Variants in ZNF100 observed in about 807,000 individuals in gnomAD.
The protein encoded by ZNF100 is zinc finger protein 100 (Y1).
Under a neutral mutation model 15.8 loss-of-function variants are expected in ZNF100, and 12 were observed. The ratio of observed to expected loss-of-function variants is 0.76; its 90% CI spans 0.49 to 1.23. The LOEUF (loss-of-function observed/expected upper bound fraction) is 1.23, where lower values mean the gene tolerates loss of function less well. ZNF100 is among the 50% of genes most tolerant of loss of function. The pLI, the probability that ZNF100 is intolerant of heterozygous loss-of-function variation, is 0.00. For missense variants in ZNF100, 670 were observed against 635.6 expected (o/e 1.05, Z -0.58); for synonymous variants, 226 against 214.8 (o/e 1.05, Z -0.45).
At chr19:21,731,560 G>T (rs539543159) in intron 4 of ZNF100, among the ~76,000 whole-genome samples, 1 of 152,164 alleles carries the variant, frequency 6.6e-6, no homozygotes, top group Non-Finnish European at 1.5e-5. Flanking sequence ...GCCTGCCTCA[G>T]CCTCTCAAAG....
At chr19:21,752,806 T>G (rs2145732278) in intron 2 of ZNF100, 1 of 152,344 alleles carries the variant, frequency 6.6e-6, no homozygotes, top group African/African-American at 2.4e-5. Flanking sequence ...CTATAAACCT[T>G]TGAAAAACAT....
chr19:21,739,405 A>C (rs1443237468), intron 4 of ZNF100, among the ~76,000 whole-genome samples: 1 of 152,156 alleles, frequency 6.6e-6, no homozygotes, highest in African/African-American at 2.4e-5. Flanking sequence ...ATAATCAAAA[A>C]ATTAGCCAGG....
chr19:21,727,713 G>C lies in ZNF100; in HGVS notation c.599C>G (p.Thr200Ser). 6.2e-7 allele frequency: 1 copy of C among 1,613,688 alleles called. No homozygotes were observed. Among genetic ancestry groups the C allele is most frequent in the Non-Finnish European group, 8.5e-7 (1 of 1,179,832 alleles). ...SNSNRHKIRHTRKKPFKCKKC... is the reference protein window; with the variant it reads ...SNSNRHKIRHSRKKPFKCKKC... ...TTTACATTTGAAAGGTTTCTTTCTAGTATGTCTTATCTTATGTCTGTTTGA... is the reference window on the plus strand; with the variant it reads ...TTTACATTTGAAAGGTTTCTTTCTACTATGTCTTATCTTATGTCTGTTTGA... Residue 200 changes from threonine to serine, a missense_variant, in exon 5 of 5, where the codon ACT becomes AGT. Coordinates refer to ENST00000358296, the MANE Select transcript of ZNF100 (RefSeq NM_173531.4).
chr19:21,726,901 G>T lies in ZNF100; in HGVS notation c.1411C>A (p.Gln471Lys), dbSNP rs1170884331. 1.2e-6 allele frequency: 2 copies of T among 1,607,486 alleles called. No homozygotes were observed. Among genetic ancestry groups the T allele is most frequent in the South Asian group, 2.2e-5 (2 of 90,014 alleles). Reference sequence around the variant, plus strand: ...TGAATCATCTTATGTGCAGTTAGTTGTGAGGACCGGTTAAAGGCTTTGCCA... The same window carrying T: ...TGAATCATCTTATGTGCAGTTAGTTTTGAGGACCGGTTAAAGGCTTTGCCA... Reference protein sequence around the residue: ...ECGKAFNRSSQLTAHKMIHTG... With the variant: ...ECGKAFNRSSKLTAHKMIHTG... The change falls in exon 5 of 5, where the codon CAA becomes AAA. Residue 471 changes from glutamine to lysine, a missense_variant. Gln to Lys is a moderately conservative substitution (Grantham distance 53, BLOSUM62 1). Transcript: ENST00000358296.
chr19:21,745,932 T>C (rs1307057580), intron 2 of ZNF100, among the ~76,000 whole-genome samples: 1 of 152,194 alleles, frequency 6.6e-6, no homozygotes, highest in Non-Finnish European at 1.5e-5. Context: ...ACCAGATTTT[T>C]CTGGCCTGTA....
At chr19:21,761,641 A>C (rs750711700) in intron 2 of ZNF100, among the ~76,000 whole-genome samples, 20 of 148,350 alleles carry the variant, frequency 1.3e-4, no homozygotes, top group Non-Finnish European at 2.7e-4. Context: ...ACTTTATAGA[A>C]ATAATCGGGC....
chr19:21,738,758 A>G (rs528775800), intron 4 of ZNF100, among the ~76,000 whole-genome samples: 1 of 152,266 alleles, frequency 6.6e-6, no homozygotes, highest in South Asian at 2.1e-4. Flanking sequence ...AGCCTGACCA[A>G]CATGGTGAAA....
chr19:21,737,556 A>AG (rs1199461999), intron 4 of ZNF100, among the ~76,000 whole-genome samples: 12 of 137,668 alleles, frequency 8.7e-5, no homozygotes, highest in Non-Finnish European at 1.6e-4. Flanking sequence ...AAAAAGAAGA[A>AG]AAAAAAAAAA....
chr19:21,731,886 G>C (rs1178147644), intron 4 of ZNF100, among the ~76,000 whole-genome samples: 2 of 152,144 alleles, frequency 1.3e-5, no homozygotes, highest in Non-Finnish European at 2.9e-5. Flanking sequence ...AGCTTTGCAA[G>C]ATAAAACATT....
intron 2 of ZNF100, among the ~76,000 whole-genome samples, chr19:21,757,202 C>A (rs968126416): frequency 1.3e-5 from 2 of 152,086 alleles, no homozygotes; most frequent in African/African-American, 2.4e-5. Flanking sequence ...CTTTGGGAGC[C>A]CAAGGCAGGT....
intron 2 of ZNF100, chr19:21,746,820 C>T (rs1042509595): frequency 2.7e-5 from 4 of 149,592 alleles, no homozygotes; most frequent in African/African-American, 1.0e-4. Flanking sequence ...ACTTACTTAG[C>T]TGAAGAAAAA....
In ZNF100 at chr19:21,727,211, A is replaced by G. The variant is rs758553067; in HGVS notation, c.1101T>C (p.His367=). Residue 367 remains histidine, a synonymous_variant, in exon 5 of 5, where the codon CAT becomes CAC. Coordinates refer to ENST00000358296, the MANE Select transcript of ZNF100 (RefSeq NM_173531.4). ...SSTLTTHKIT[H]AGEKPYKCEE... is the part of the protein sequence containing the mutation. ...CACATTTGTAAGGTTTCTCTCCAGCATGAGTTATCTTATGTGTAGTAAGGG... is the reference window on the plus strand; with the variant it reads ...CACATTTGTAAGGTTTCTCTCCAGCGTGAGTTATCTTATGTGTAGTAAGGG... 1.1e-5 allele frequency: 18 copies of G among 1,613,790 alleles called. No individual in the cohort carries two copies. Among genetic ancestry groups the G allele is most frequent in the East Asian group, 2.2e-5 (1 of 44,850 alleles).
intron 2 of ZNF100, among the ~76,000 whole-genome samples, chr19:21,747,893 T>C (rs541891403): frequency 1.3e-5 from 2 of 152,344 alleles, no homozygotes; most frequent in South Asian, 2.1e-4. Context: ...TGGAAGTTGA[T>C]ACTAAGTGTT....
chr19:21,755,069 T>C (rs907192165), intron 2 of ZNF100, among the ~76,000 whole-genome samples: 2 of 152,090 alleles, frequency 1.3e-5, no homozygotes, highest in African/African-American at 4.8e-5. Context: ...TCCCAGCACT[T>C]TGGGAGGCCG....
chr19:21,744,107 C>T lies in ZNF100; in HGVS notation c.232G>A (p.Ala78Thr), dbSNP rs1294617103. The change falls in exon 4 of 5, where the codon GCT becomes ACT. Residue 78 changes from alanine to threonine, a missense_variant. Ala to Thr is a moderately conservative substitution (Grantham distance 58). Coordinates refer to ENST00000358296, the MANE Select transcript of ZNF100 (RefSeq NM_173531.4). ...GTGATCAGGTCTGGCTTAGTGAGAG[C>T]AATACCTGCTTTATTAGAAATAAAT... The part of the protein sequence containing the change: ...YRNLVFLAGI[A>T]LTKPDLITCL... 1.2e-6 allele frequency: 2 copies of T among 1,604,926 alleles called. No homozygotes were observed. The highest frequency in any genetic ancestry group is 1.7e-5 in the Admixed American group (1 of 58,074).
intron 2 of ZNF100, chr19:21,751,495 G>C: frequency 9.8e-7 from 1 of 1,023,236 alleles, no homozygotes. Context: ...ACTTAGAAAG[G>C]CTTTTAACTT....
rs1016154576 is a variant in ZNF100, at chr19:21,765,775, C to T, written c.15G>A (p.Arg5=). Residue 5 remains arginine (R), a synonymous_variant, in exon 2 of 5, where the codon AGG becomes AGA. Coordinates refer to ENST00000358296, the MANE Select transcript of ZNF100 (RefSeq NM_173531.4). MDDP[R]YGMCPLKGAS... ...CTCCCTTGAGAGGACACATTCCATA[C>T]CTCGGGTCATCCTACGGGAGAAAAT... is the stretch of plus-strand genomic sequence containing the variant. The T allele has an allele frequency of 1.2e-6, 2 of 1,614,066 alleles. No individual in the cohort carries two copies. The highest frequency in any genetic ancestry group is 1.7e-6 in the Non-Finnish European group (2 of 1,180,050).
At position 21,723,917 on chromosome 19, in the gene ZNF100, G is replaced by GA. The variant is rs1258846407; in HGVS notation, c.*2765dup. The GA allele has an allele frequency of 6.6e-6, 1 of 152,144 alleles. No homozygotes were observed. The allele number at this position is 152,144 out of a possible 1,614,324, so 9.4% of individuals were successfully genotyped here. A position where few individuals can be genotyped will look rare whatever the true frequency, so the allele number is the denominator to read the frequency against. ...AGAGTTCTCCAACTAAAAACAAAAT[G>GA]AAGTGTTCTAACTAAATAAAATGTA... On this transcript the variant is annotated 3_prime_UTR_variant, in exon 5 of 5. Transcript: ENST00000358296.
At chr19:21,756,436 TCAA>T (rs1215225834) in intron 2 of ZNF100, among the ~76,000 whole-genome samples, 2 of 152,018 alleles carry the variant, frequency 1.3e-5, no homozygotes, top group Non-Finnish European at 2.9e-5. Flanking sequence ...TCTCTGTACA[TCAA>T]CAACATCCAA....
Sources: allele counts gnomAD v4.1 joint callset (sites outside exome capture counted in the v4.1 genomes callset), GRCh38; gene constraint gnomAD v4.1.1; transcripts MANE v1.5; gene names NCBI Gene and HGNC (gene_info 2026-07-23, HGNC 2026-07-21).